The following PNKD variants were observed in gnomAD, a reference collection of about 807,000 sequenced individuals.
The protein encoded by PNKD is probable thioesterase PNKD.
PNKD carries 36 observed loss-of-function variants against 45.3 expected under a neutral mutation model. The ratio of observed to expected loss-of-function variants is 0.80; its 90% CI spans 0.61 to 1.05. The LOEUF is 1.05. Among genes scored for constraint, PNKD ranks in the 50% least tolerant of loss-of-function variants. PNKD has a pLI of 0.00. For synonymous variants in PNKD, 197 were observed against 210.1 expected (o/e 0.94, Z 0.54); for missense variants, 511 against 506.6 (o/e 1.01, Z -0.08).
chr2:218,289,427 A>G (rs1483231393), intron 2 of PNKD, among the ~76,000 whole-genome samples: 2 of 152,108 alleles, frequency 1.3e-5, no homozygotes, highest in African/African-American at 2.4e-5. Context: ...GGATCACTTG[A>G]GGTCAGGTGT....
At chr2:218,279,179 T>C (rs762064274) in intron 2 of PNKD, 47 of 1,585,922 alleles carry the variant, frequency 3.0e-5, no homozygotes, top group Non-Finnish European at 2.2e-5. Flanking sequence ...TCACCTTCTC[T>C]AATTGCCCAT....
chr2:218,271,648 CA>C (rs1690838637), intron 2 of PNKD, 99 bp downstream of exon 2: 2 of 1,059,266 alleles, frequency 1.9e-6, no homozygotes, highest in Non-Finnish European at 2.8e-6. Context: ...GAGCTGAATC[CA>C]AAGTTGTGGG....
intron 2 of PNKD, among the ~76,000 whole-genome samples, chr2:218,313,719 G>A (rs1693680634): frequency 6.6e-6 from 1 of 151,972 alleles, no homozygotes; most frequent in Non-Finnish European, 1.5e-5. Flanking sequence ...ACATTTTTAA[G>A]GCCTTGATGC....
chr2:218,305,133 GA>G (rs1693372690), intron 2 of PNKD, among the ~76,000 whole-genome samples: 1 of 152,124 alleles, frequency 6.6e-6, no homozygotes, highest in South Asian at 2.1e-4. Flanking sequence ...TCGTGACAAT[GA>G]AATCCCACGT....
In PNKD at chr2:218,344,856, A is replaced by G. The variant is rs1559096138; in HGVS notation, c.1033A>G (p.Thr345Ala). Residue 345 changes from threonine (T) to alanine (A), a missense_variant, in exon 10 of 10, where the codon ACC becomes GCC. Physicochemically the swap from Thr to Ala is moderately conservative, Grantham distance 58 (BLOSUM62 0). Transcript: ENST00000273077. Reference sequence around the variant, plus strand: ...GCGCTCCTACAACCCGTTCCTGAGAACCCACTGCCTGGCGCTACAGGAGGC... The same window carrying G: ...GCGCTCCTACAACCCGTTCCTGAGAGCCCACTGCCTGGCGCTACAGGAGGC... The part of the protein sequence containing the change: ...EERSYNPFLR[T>A]HCLALQEALG... 6.2e-7 allele frequency: 1 copy of G among 1,613,636 alleles called. No individual in the cohort carries two copies. Among genetic ancestry groups the G allele is most frequent in the South Asian group, 1.1e-5 (1 of 91,060 alleles).
intron 2 of PNKD, among the ~76,000 whole-genome samples, chr2:218,324,967 T>A (rs1574703072): frequency 1.6e-5 from 2 of 123,082 alleles, no homozygotes; most frequent in African/African-American, 7.0e-5. Context: ...GAAAAAAAAA[T>A]CCCAAACATG....
intron 2 of PNKD, among the ~76,000 whole-genome samples, chr2:218,335,438 G>A (rs1307303801): frequency 6.6e-6 from 1 of 151,862 alleles, no homozygotes; most frequent in Non-Finnish European, 1.5e-5. Context: ...CCAAGATCAC[G>A]CCATTGCACT....
chr2:218,294,825 C>T (rs974956553), intron 2 of PNKD, among the ~76,000 whole-genome samples: 2 of 152,220 alleles, frequency 1.3e-5, no homozygotes. Context: ...AGGGTTCCGC[C>T]TTCATGACCT....
chr2:218,346,066 G>C lies in PNKD; in HGVS notation c.*1085G>C, dbSNP rs538175773. The C allele has an allele frequency of 6.6e-6, 1 of 152,348 alleles. No individual in the cohort carries two copies. Among genetic ancestry groups the C allele is most frequent in the East Asian group, 1.9e-4 (1 of 5,336 alleles). The allele number at this position is 152,348 out of a possible 1,614,324, so 9.4% of individuals were successfully genotyped here. A position where few individuals can be genotyped will look rare whatever the true frequency, so the allele number is the denominator to read the frequency against. On this transcript the variant is annotated 3_prime_UTR_variant, in exon 10 of 10. Transcript: ENST00000273077. ...GGAGGGGGCTCTGACGTGCAGGTTG[G>C]AAATCAGAAGTCTGTGAGAGCGCGG... is the stretch of plus-strand genomic sequence containing the variant.
At chr2:218,305,276 A>G (rs1166935917) in intron 2 of PNKD, among the ~76,000 whole-genome samples, 1 of 152,034 alleles carries the variant, frequency 6.6e-6, no homozygotes, top group Non-Finnish European at 1.5e-5. Context: ...GCTGGGGATG[A>G]GGGAGAGACA....
intron 2 of PNKD, chr2:218,277,675 G>A: frequency 6.2e-7 from 1 of 1,614,152 alleles, no homozygotes; most frequent in East Asian, 2.2e-5. Flanking sequence ...AAAAGTCTAA[G>A]GGAAGGAGAG....
chr2:218,303,403 T>C (rs564621820), intron 2 of PNKD, among the ~76,000 whole-genome samples: 1 of 151,976 alleles, frequency 6.6e-6, no homozygotes, highest in East Asian at 1.9e-4. Flanking sequence ...ATGATCTGGG[T>C]GGTATTTTAG....
intron 2 of PNKD, chr2:218,279,344 T>C (rs1253704886): frequency 6.3e-7 from 1 of 1,582,788 alleles, no homozygotes. Context: ...ACGGAGATGA[T>C]GGAGTAAACC....
chr2:218,335,020 C>T (rs1416607362), intron 2 of PNKD, among the ~76,000 whole-genome samples: 1 of 152,018 alleles, frequency 6.6e-6, no homozygotes, highest in Non-Finnish European at 1.5e-5. Flanking sequence ...GGCATGTCTG[C>T]TCATGCCTGT....
In PNKD at chr2:218,271,542, C is replaced by G. The variant is rs1004791945; in HGVS notation, c.229C>G (p.Leu77Val). The G allele has an allele frequency of 6.2e-7, 1 of 1,614,158 alleles. No individual in the cohort carries two copies. The highest frequency in any genetic ancestry group is 1.7e-5 in the Admixed American group (1 of 60,022). ...CAAGAACCCCATGAAAGCTGTGGGA[C>G]TGGCCTGGTGAGTTTTAACCACCCC... ...RGKNPMKAVGLAWYSLYTRTW... is the reference protein window; with the variant it reads ...RGKNPMKAVGVAWYSLYTRTW... Residue 77 changes from leucine to valine, a missense_variant, in exon 2 of 10, where the codon CTG becomes GTG. Transcript: ENST00000273077.
At chr2:218,308,893 T>G (rs1693503349) in intron 2 of PNKD, among the ~76,000 whole-genome samples, 3 of 152,004 alleles carry the variant, frequency 2.0e-5, no homozygotes, top group African/African-American at 4.8e-5. Context: ...CCTCCTCCAC[T>G]TCTTTCCTTC....
At chr2:218,297,034 A>T (rs570791160) in intron 2 of PNKD, among the ~76,000 whole-genome samples, 1 of 152,312 alleles carries the variant, frequency 6.6e-6, no homozygotes, top group East Asian at 1.9e-4. Flanking sequence ...ACCCAGCCTG[A>T]GGTGAAAGTG....
chr2:218,314,974 G>A (rs1693734318), intron 2 of PNKD, among the ~76,000 whole-genome samples: 1 of 151,638 alleles, frequency 6.6e-6, no homozygotes, highest in African/African-American at 2.4e-5. Flanking sequence ...CCAGGCATGA[G>A]CCACTATGCC....
chr2:218,340,899 C>T lies in PNKD; in HGVS notation c.524+113C>T. 1.2e-6 allele frequency: 1 copy of T among 859,292 alleles called. No homozygotes were observed. The highest frequency in any genetic ancestry group is 2.0e-6 in the Non-Finnish European group (1 of 501,546). 53.2% of individuals were successfully genotyped at this position (859,292 alleles called of 1,614,324 possible). ...TCAAGAAGTCAGTACGGGCCGGCAC[C>T]CGCCTTCCTCGTGAAGTCACCTGGA... On this transcript the variant is annotated intron_variant, in intron 5 of 9. Transcript: ENST00000273077. This position sits in a 1 kb window ranked among gnomAD's most constrained non-coding sequence, Gnocchi z 4.2.
Sources: allele counts gnomAD v4.1 joint callset (sites outside exome capture counted in the v4.1 genomes callset), GRCh38; gene constraint gnomAD v4.1.1; non-coding constraint Gnocchi (gnomAD v3.1); transcripts MANE v1.5; gene names NCBI Gene and HGNC (gene_info 2026-07-23, HGNC 2026-07-21).